Variants in HMGB1 observed in about 807,000 individuals in gnomAD.
The protein encoded by HMGB1 is high mobility group box 1.
For synonymous variants in HMGB1, 81 were observed against 84.0 expected (o/e 0.96, Z 0.19); for missense variants, 79 against 253.5 (o/e 0.31, Z 4.67).
At chr13:30,512,884 C>T (rs916477922) in intron 1 of HMGB1, among the ~76,000 whole-genome samples, 4 of 152,092 alleles carry the variant, frequency 2.6e-5, no homozygotes, top group African/African-American at 4.8e-5. Context: ...TGACTAGGGC[C>T]GCACACAGTG....
intron 1 of HMGB1, among the ~76,000 whole-genome samples, chr13:30,604,743 T>C (rs1043282904): frequency 6.6e-6 from 1 of 152,170 alleles, no homozygotes; most frequent in African/African-American, 2.4e-5. Context: ...CTGCAAGCTC[T>C]GCCTCCTGGG....
intron 1 of HMGB1, among the ~76,000 whole-genome samples, chr13:30,566,938 A>G (rs1011818562): frequency 5.5e-4 from 84 of 152,230 alleles, no homozygotes; most frequent in African/African-American, 1.9e-3. Flanking sequence ...AATGTGGAGG[A>G]TATCTTGGTT....
intron 1 of HMGB1, chr13:30,541,051 T>A (rs2137501598): frequency 6.6e-6 from 1 of 152,308 alleles, no homozygotes; most frequent in Middle Eastern, 3.4e-3. Context: ...TCAAAAAATA[T>A]GTTCATCTAG....
rs555494657 is a variant in HMGB1 at position 30,471,644 on chromosome 13, C to T, written c.-14-7950G>A. ...TGCTGGGATTACAGGCATGAGCCAC[C>T]GTGCCCGGCCTTTTTTTTTTTTTTT... is the stretch of plus-strand genomic sequence containing the variant. On this transcript the variant is annotated intron_variant, in intron 1 of 4. Coordinates refer to the HMGB1 transcript ENST00000405805. 1.7e-4 allele frequency among the ~76,000 whole-genome samples: 23 copies of T among 135,282 alleles called. No homozygotes were observed. In the East Asian group the frequency reaches 4.7e-3, roughly 27 times the overall value. 88.8% of individuals were successfully genotyped at this position (135,282 alleles called of 152,430 possible). A position where few individuals can be genotyped will look rare whatever the true frequency, so the allele number is the denominator to read the frequency against.
At chr13:30,524,119 G>T (rs560109621) in intron 1 of HMGB1, among the ~76,000 whole-genome samples, 1 of 151,946 alleles carries the variant, frequency 6.6e-6, no homozygotes, top group South Asian at 2.1e-4. Flanking sequence ...GCTCTCACTC[G>T]TAAGGGGGAG....
intron 1 of HMGB1, chr13:30,540,990 T>G (rs1052402872): frequency 1.3e-5 from 2 of 150,906 alleles, no homozygotes; most frequent in African/African-American, 4.9e-5. Context: ...CTCTTTTGGG[T>G]GTGTGTGTGT....
rs150785549 is a variant in HMGB1, at chr13:30,540,285, C to A, written c.-15+76386G>T. On this transcript the variant is annotated intron_variant, in intron 1 of 4. Transcript: ENST00000405805. ...CTTTTCTCTGACACTCTCCTTTCAC[C>A]TAGCAGGAGCAAATGTGAGGCTGAT... The A allele has an allele frequency of 3.2e-3, 539 of 166,386 alleles. 2 individuals are homozygous for A. The highest frequency in any genetic ancestry group is 0.012 in the African/African-American group (519 of 41,932). 10.3% of individuals were successfully genotyped at this position (166,386 alleles called of 1,614,324 possible).
chr13:30,459,800 A>G lies in HMGB1; in HGVS notation c.*1557T>C, dbSNP rs966185537. The G allele has an allele frequency of 6.6e-6, 1 of 152,366 alleles. No individual in the cohort carries two copies. Among genetic ancestry groups the G allele is most frequent in the Non-Finnish European group, 1.5e-5 (1 of 68,010 alleles). 9.4% of individuals were successfully genotyped at this position (152,366 alleles called of 1,614,324 possible). The stretch of plus-strand genomic sequence containing the variant: ...AGGTATTATTAGAAACAAGATTTAA[A>G]AATATGTAACAAAATCTTAAGTTCT... On this transcript the variant is annotated 3_prime_UTR_variant, in exon 5 of 5. Coordinates refer to ENST00000341423, the MANE Select transcript of HMGB1 (RefSeq NM_002128.7).
At chr13:30,539,010 C>T (rs1868733496) in intron 1 of HMGB1, among the ~76,000 whole-genome samples, 1 of 152,142 alleles carries the variant, frequency 6.6e-6, no homozygotes, top group South Asian at 2.1e-4. Flanking sequence ...GATTCTCCTG[C>T]CTCAGCCTCC....
rs114114409 is a variant in HMGB1 at position 30,610,986 on chromosome 13, T to C, written c.-15+5685A>G. Among the ~76,000 whole-genome samples, 787 of 152,352 alleles carry C rather than the reference T, an allele frequency of 5.2e-3. 5 individuals carry two copies. The highest frequency in any genetic ancestry group is 0.016 in the African/African-American group (685 of 41,580). On this transcript the variant is annotated intron_variant, in intron 1 of 4. Coordinates refer to the HMGB1 transcript ENST00000405805. ...CTTAACTGATACATTTACTAAACAA[T>C]TACCAGCTCCAATTAGCACTCAGTT...
chr13:30,465,401 A>AGCCGCGCCGGCCCCGCCGCCCCG (rs1293427857), intron 1 of HMGB1, among the ~76,000 whole-genome samples: 1 of 134,072 alleles, frequency 7.5e-6, no homozygotes, highest in Non-Finnish European at 1.6e-5. Context: ...GCCGCCGCCG[A>AGCCGCGCCGGCCCCGCCGCCCCG]GCCGCGCCGG....
At chr13:30,473,400 C>T (rs1034603101) in intron 1 of HMGB1, among the ~76,000 whole-genome samples, 2 of 152,186 alleles carry the variant, frequency 1.3e-5, no homozygotes, top group South Asian at 2.1e-4. Context: ...GAATGGTACA[C>T]ATGACGAGTG....
At chr13:30,485,034 CT>C (rs59990628) in intron 1 of HMGB1, among the ~76,000 whole-genome samples, 3,372 of 134,494 alleles carry the variant, frequency 0.025, 88 homozygotes, top group African/African-American at 0.074. Context: ...TTTTCTTTTT[CT>C]TTTTTTTTTT....
intron 1 of HMGB1, among the ~76,000 whole-genome samples, chr13:30,612,113 C>T (rs1174455674): frequency 6.6e-6 from 1 of 151,570 alleles, no homozygotes; most frequent in Non-Finnish European, 1.5e-5. Flanking sequence ...TTACAGATCT[C>T]ACAACCTACT....
intron 1 of HMGB1, among the ~76,000 whole-genome samples, chr13:30,598,925 T>C (rs1871737218): frequency 6.6e-6 from 1 of 151,910 alleles, no homozygotes; most frequent in Non-Finnish European, 1.5e-5. Context: ...TATATGCATA[T>C]GCATATATAT....
At chr13:30,601,335 G>T (rs1412195747) in intron 1 of HMGB1, among the ~76,000 whole-genome samples, 1 of 152,232 alleles carries the variant, frequency 6.6e-6, no homozygotes, top group Non-Finnish European at 1.5e-5. Context: ...CACAAAGCCT[G>T]TTTGGTGTCT....
intron 1 of HMGB1, chr13:30,464,235 G>C: frequency 1.0e-6 from 1 of 985,506 alleles, no homozygotes; most frequent in Non-Finnish European, 1.2e-6. Context: ...AGCCAGCTCC[G>C]GTGCTCGGAA....
intron 1 of HMGB1, among the ~76,000 whole-genome samples, chr13:30,554,983 C>A (rs1869611988): frequency 6.6e-6 from 1 of 150,870 alleles, no homozygotes; most frequent in African/African-American, 2.4e-5. Flanking sequence ...GTATGAGGAG[C>A]ACCCACCAGC....
chr13:30,488,224 C>T (rs149182768), intron 1 of HMGB1, among the ~76,000 whole-genome samples: 163 of 152,224 alleles, frequency 1.1e-3, no homozygotes, highest in African/African-American at 3.7e-3. Context: ...AAACAGACAC[C>T]ATTAATTATA....
Sources: allele counts gnomAD v4.1 joint callset (sites outside exome capture counted in the v4.1 genomes callset), GRCh38; gene constraint gnomAD v4.1.1; transcripts MANE v1.5; gene names NCBI Gene and HGNC (gene_info 2026-07-23, HGNC 2026-07-21).